The following DOCK3 variants were observed in gnomAD, a reference collection of about 807,000 sequenced individuals.
DOCK3 encodes dedicator of cytokinesis 3, also known as dedicator of cytokinesis protein 3.
Under a neutral mutation model 265.6 loss-of-function variants are expected in DOCK3, and 60 were observed. The observed-to-expected ratio is 0.23, with a 90% CI of 0.18 to 0.28. DOCK3 has a LOEUF of 0.28. Ranked by LOEUF, DOCK3 falls within the 10% of genes least tolerant of loss-of-function variation. DOCK3 has a pLI of 1.00. For synonymous variants in DOCK3, 881 were observed against 938.0 expected (o/e 0.94, Z 1.11); for missense variants, 1,981 against 2,594.3 (o/e 0.76, Z 5.14).
intron 5 of DOCK3, among the ~76,000 whole-genome samples, chr3:50,966,947 T>G (rs979226683): frequency 6.6e-6 from 1 of 152,132 alleles, no homozygotes; most frequent in African/African-American, 2.4e-5. Context: ...CTCTTTCCTT[T>G]AAAAAAATCT....
At chr3:51,127,616 A>G (rs1272207790) in intron 9 of DOCK3, among the ~76,000 whole-genome samples, 1 of 152,232 alleles carries the variant, frequency 6.6e-6, no homozygotes, top group Non-Finnish European at 1.5e-5. Flanking sequence ...AAGTGTATAC[A>G]TGCACAAGTG....
intron 39 of DOCK3, 21 bp downstream of exon 39, chr3:51,348,959 C>T (rs369327722): frequency 4.3e-5 from 51 of 1,189,794 alleles, no homozygotes; most frequent in South Asian, 3.3e-4. Flanking sequence ...CCCCTCCCCC[C>T]ACCCCAGCCC....
chr3:51,037,186 T>C (rs538339444), intron 5 of DOCK3, among the ~76,000 whole-genome samples: 105 of 152,204 alleles, frequency 6.9e-4, no homozygotes, highest in African/African-American at 2.5e-3. Context: ...TTTAAAAAAA[T>C]ATAATGCAAA....
intron 35 of DOCK3, 24 bp downstream of exon 35, chr3:51,333,277 C>T (rs2084648100): frequency 1.2e-6 from 2 of 1,605,784 alleles, no homozygotes; most frequent in Admixed American, 1.7e-5. Flanking sequence ...CACCCGCTCC[C>T]CTCTTCCCTT....
intron 4 of DOCK3, among the ~76,000 whole-genome samples, chr3:50,906,899 A>G (rs1283640441): frequency 6.6e-6 from 1 of 152,238 alleles, no homozygotes; most frequent in African/African-American, 2.4e-5. Context: ...ATTTAGTGCT[A>G]TAAATTTCCC....
chr3:50,900,842 T>C, intron 4 of DOCK3: 7 of 410,944 alleles, frequency 1.7e-5, no homozygotes, highest in South Asian at 1.3e-4. Context: ...TGCTGCCCTC[T>C]GGAAGCTTTG....
intron 22 of DOCK3, among the ~76,000 whole-genome samples, chr3:51,255,628 A>G (rs2079504510): frequency 6.6e-6 from 1 of 152,196 alleles, no homozygotes; most frequent in South Asian, 2.1e-4. Context: ...TCAATCACTG[A>G]TACCCTTTCT....
chr3:50,978,213 AG>A lies in DOCK3; in HGVS notation c.315+44138del, dbSNP rs1456951889. ...GAACTGCGTTCCTTTGGAGGAGGAG[AG>A]GTGCTCTGCTTTTTAGAGTTTCCAG... On this transcript the variant is annotated intron_variant, in intron 5 of 52. Coordinates refer to ENST00000266037, the MANE Select transcript of DOCK3 (RefSeq NM_004947.5). 7.3e-4 allele frequency among the ~76,000 whole-genome samples: 109 copies of A among 148,330 alleles called. 1 individual carries two copies. The highest frequency in any genetic ancestry group is 2.6e-3 in the African/African-American group (107 of 40,840).
intron 27 of DOCK3, among the ~76,000 whole-genome samples, chr3:51,287,380 C>G (rs2081464856): frequency 6.6e-6 from 1 of 152,076 alleles, no homozygotes; most frequent in African/African-American, 2.4e-5. Flanking sequence ...AAGACCCCAT[C>G]TTGACAAAAA....
At chr3:51,062,732 G>A (rs2081453296) in intron 5 of DOCK3, among the ~76,000 whole-genome samples, 1 of 152,192 alleles carries the variant, frequency 6.6e-6, no homozygotes, top group South Asian at 2.1e-4. Context: ...ATGTATACAT[G>A]CAATGGACTA....
chr3:51,272,885 C>G (rs1423209855), intron 24 of DOCK3, among the ~76,000 whole-genome samples: 6 of 152,024 alleles, frequency 3.9e-5, no homozygotes, highest in African/African-American at 1.4e-4. Context: ...ATGCTTTTGG[C>G]CGGGCACGGT....
intron 5 of DOCK3, among the ~76,000 whole-genome samples, chr3:51,017,918 A>T (rs1281646249): frequency 6.6e-6 from 1 of 151,720 alleles, no homozygotes; most frequent in East Asian, 1.9e-4. Context: ...TTTTAGACAG[A>T]GTTTTACTCT....
chr3:51,015,364 T>A (rs1234682727), intron 5 of DOCK3, among the ~76,000 whole-genome samples: 2 of 152,076 alleles, frequency 1.3e-5, no homozygotes, highest in African/African-American at 4.8e-5. Context: ...TTTTATTAAA[T>A]GCTTTTTCAG....
At chr3:50,779,282 A>G (rs941596286) in intron 2 of DOCK3, among the ~76,000 whole-genome samples, 1 of 152,110 alleles carries the variant, frequency 6.6e-6, no homozygotes, top group Non-Finnish European at 1.5e-5. Flanking sequence ...CTGCCTTTGA[A>G]TAGAACTACG....
intron 9 of DOCK3, among the ~76,000 whole-genome samples, chr3:51,114,929 T>A (rs755569846): frequency 6.6e-6 from 1 of 152,228 alleles, no homozygotes; most frequent in African/African-American, 2.4e-5. Flanking sequence ...CTGTGTTAGT[T>A]TGCTGAGAAT....
chr3:51,204,778 A>C (rs2089068344), intron 12 of DOCK3, among the ~76,000 whole-genome samples: 1 of 151,922 alleles, frequency 6.6e-6, no homozygotes. Context: ...AATGTACAAC[A>C]ATGATAGACT....
rs572078943 is a variant in DOCK3, at chr3:51,161,717, C to T, written c.1037+1015C>T. 2.0e-5 allele frequency among the ~76,000 whole-genome samples: 3 copies of T among 152,226 alleles called. No homozygotes were observed. In the South Asian group the frequency reaches 6.2e-4, roughly 32 times the overall value. On this transcript the variant is annotated intron_variant, in intron 12 of 52. Transcript: ENST00000266037. ...AGAGTCTTGCATGTCTAATGCTTGC[C>T]CACCAGTTATTATAACTGAGCTGGC...
chr3:51,236,109 G>A (rs1237787093), intron 19 of DOCK3, among the ~76,000 whole-genome samples: 1 of 152,182 alleles, frequency 6.6e-6, no homozygotes, highest in Non-Finnish European at 1.5e-5. Context: ...CCAACAGGAA[G>A]AGCCTCTCTA....
At chr3:51,009,553 CT>C (rs2078854201) in intron 5 of DOCK3, among the ~76,000 whole-genome samples, 1 of 152,072 alleles carries the variant, frequency 6.6e-6, no homozygotes, top group South Asian at 2.1e-4. Flanking sequence ...TTTTGTTGAT[CT>C]TTTCAAAAAA....
Sources: allele counts gnomAD v4.1 joint callset (sites outside exome capture counted in the v4.1 genomes callset), GRCh38; gene constraint gnomAD v4.1.1; transcripts MANE v1.5; gene names NCBI Gene and HGNC (gene_info 2026-07-23, HGNC 2026-07-21).